NECTIN1: variants seen among roughly 807,000 people sequenced by gnomAD.
NECTIN1 encodes nectin-1.
A neutral mutation model predicts 48.0 loss-of-function variants in NECTIN1; 23 were observed. That is an observed-to-expected ratio of 0.48 (90% CI 0.34 to 0.68). The LOEUF is 0.68. NECTIN1 is among the 30% of genes least tolerant of loss of function. NECTIN1 has a pLI of 0.01. For missense variants in NECTIN1, 591 were observed against 709.9 expected, an observed-to-expected ratio of 0.83 and a Z score of 1.90; for synonymous variants, 270 against 288.9, an observed-to-expected ratio of 0.93 and a Z score of 0.66.
At chr11:119,644,996 T>C (rs564820637) in intron 5 of NECTIN1, among the ~76,000 whole-genome samples, 1 of 152,322 alleles carries the variant, frequency 6.6e-6, no homozygotes, top group East Asian at 1.9e-4. Flanking sequence ...TGATAAGGGC[T>C]GTCCTGGAGT....
rs1003976029 is a variant in NECTIN1, at chr11:119,714,861, G to A, written c.79+13614C>T. ...ACAGCTGTGGTGGCTGGGAATCCTA[G>A]GCTGACATCCCTGGGCGTGGCAGCC... On this transcript the variant is annotated intron_variant, in intron 1 of 5. Coordinates refer to ENST00000264025, the MANE Select transcript of NECTIN1 (RefSeq NM_002855.5). Among the ~76,000 whole-genome samples, 7 of 152,146 alleles carry A rather than the reference G, an allele frequency of 4.6e-5. 1 individual carries two copies. The highest frequency in any genetic ancestry group is 2.6e-4 in the Admixed American group (4 of 15,284).
At chr11:119,638,199 A>T in exon 8 of NECTIN1, 1 of 1,614,102 alleles carries the variant, frequency 6.2e-7, no homozygotes, top group Non-Finnish European at 8.5e-7. Flanking sequence ...AGCTTCTGCA[A>T]GTCCTCCTCT....
At chr11:119,690,697 C>T (rs755635005) in intron 1 of NECTIN1, among the ~76,000 whole-genome samples, 1 of 152,196 alleles carries the variant, frequency 6.6e-6, no homozygotes, top group South Asian at 2.1e-4. Flanking sequence ...CCAAACCCCA[C>T]AGAGGGGAGA....
intron 1 of NECTIN1, among the ~76,000 whole-genome samples, chr11:119,707,531 C>T (rs1005157991): frequency 5.3e-5 from 8 of 152,056 alleles, no homozygotes; most frequent in South Asian, 4.2e-4. Flanking sequence ...ACCTCCCCAC[C>T]GTCTCCCCAC....
At chr11:119,710,388 C>T (rs185641326) in intron 1 of NECTIN1, among the ~76,000 whole-genome samples, 1 of 151,226 alleles carries the variant, frequency 6.6e-6, no homozygotes, top group East Asian at 2.0e-4. Flanking sequence ...GTATTAAGAA[C>T]CTACCAAGTG....
intron 5 of NECTIN1, among the ~76,000 whole-genome samples, chr11:119,649,324 T>C (rs527909988): frequency 6.7e-6 from 1 of 150,366 alleles, no homozygotes; most frequent in African/African-American, 2.5e-5. Flanking sequence ...GAGGTTGCAG[T>C]GAGCCAAGAT....
At chr11:119,704,708 G>C (rs1487886505) in intron 1 of NECTIN1, among the ~76,000 whole-genome samples, 3 of 152,242 alleles carry the variant, frequency 2.0e-5, no homozygotes, top group African/African-American at 4.8e-5. Context: ...TCTCCTCCGT[G>C]GGGTATGAAG....
At chr11:119,655,319 G>T (rs907336247) in intron 5 of NECTIN1, among the ~76,000 whole-genome samples, 10 of 152,052 alleles carry the variant, frequency 6.6e-5, no homozygotes, top group Non-Finnish European at 1.5e-4. Flanking sequence ...CATAGGTATG[G>T]CCTCTCCCAC....
Position 119,674,518 on chromosome 11 carries a change from G to A in NECTIN1, c.1003+641C>T, listed in dbSNP as rs369534183. 7.4e-5 allele frequency: 119 copies of A among 1,613,916 alleles called. No individual in the cohort carries two copies. The African/African-American group carries it at 1.3e-3, about 18-fold the overall frequency. ...CTGTCCCCGTTTTACAGATGGTGGGGGGGGCCCTGTCCAGGGTCACAGCTG... is the reference window on the plus strand; with the variant it reads ...CTGTCCCCGTTTTACAGATGGTGGGAGGGGCCCTGTCCAGGGTCACAGCTG... On this transcript the variant is annotated intron_variant, in intron 5 of 5. Coordinates refer to ENST00000264025, the MANE Select transcript of NECTIN1 (RefSeq NM_002855.5).
intron 5 of NECTIN1, among the ~76,000 whole-genome samples, chr11:119,645,756 C>T (rs994131895): frequency 6.6e-6 from 1 of 152,182 alleles, no homozygotes; most frequent in African/African-American, 2.4e-5. Context: ...TTGTGGGACT[C>T]TCCCCTTCCC....
chr11:119,673,993 G>A lies in NECTIN1; in HGVS notation c.1003+1166C>T, dbSNP rs879368390. Among the ~76,000 whole-genome samples the A allele has an allele frequency of 4.6e-5, 7 of 152,206 alleles. No individual in the cohort carries two copies. The highest frequency in any genetic ancestry group is 1.9e-4 in the East Asian group (1 of 5,188). The stretch of plus-strand genomic sequence containing the variant: ...CCCTGGGTGAGAGACGTGACAGAAC[G>A]GCTCTGAGGACAGGTAGGCGCAGAC... On this transcript the variant is annotated intron_variant, in intron 5 of 5. Transcript: ENST00000264025. This position sits in a 1 kb window ranked among gnomAD's most constrained non-coding sequence, Gnocchi z 5.8.
chr11:119,638,778 C>T (rs773473250), exon 7 of NECTIN1: 3 of 1,613,972 alleles, frequency 1.9e-6, no homozygotes, highest in Non-Finnish European at 2.5e-6. Context: ...GGAGAAGGCT[C>T]CGGCTTCTGG....
At chr11:119,647,574 G>A (rs1387614663) in intron 5 of NECTIN1, among the ~76,000 whole-genome samples, 3 of 151,988 alleles carry the variant, frequency 2.0e-5, no homozygotes, top group Non-Finnish European at 4.4e-5. Flanking sequence ...CCTCCTCTGG[G>A]TGCCCTCTTC....
intron 1 of NECTIN1, chr11:119,713,875 C>A (rs1865702878): frequency 2.2e-6 from 1 of 455,840 alleles, no homozygotes. Flanking sequence ...GCGTTGCTTG[C>A]CAGTGAGATG....
intron 1 of NECTIN1, among the ~76,000 whole-genome samples, chr11:119,708,057 T>C (rs1865576862): frequency 6.6e-6 from 1 of 152,274 alleles, no homozygotes. Context: ...ACGCAGTTTT[T>C]GTTTGTTTCT....
chr11:119,693,722 G>A (rs1484463988), intron 1 of NECTIN1, among the ~76,000 whole-genome samples: 1 of 152,190 alleles, frequency 6.6e-6, no homozygotes, highest in African/African-American at 2.4e-5. Context: ...CACCTCTAAT[G>A]TTGGACGGTG....
Position 119,661,469 on chromosome 11 carries a change from A to G in NECTIN1, c.*3278T>C. On this transcript the variant is annotated 3_prime_UTR_variant, in exon 6 of 6. Transcript: ENST00000264025. ...GCACACCCACCTGCCCCTCACTAGG[A>G]GAGGGTTTCTGTTGGCAGTCAGGCT... is the stretch of plus-strand genomic sequence containing the variant. The G allele has an allele frequency of 3.0e-6, 3 of 985,854 alleles. No individual in the cohort carries two copies. Among genetic ancestry groups the G allele is most frequent in the Non-Finnish European group, 3.6e-6 (3 of 829,998 alleles). The allele number at this position is 985,854 out of a possible 1,614,324, so 61.1% of individuals were successfully genotyped here.
chr11:119,679,055 A>T (rs1016007480), intron 1 of NECTIN1, among the ~76,000 whole-genome samples: 8 of 152,222 alleles, frequency 5.3e-5, no homozygotes, highest in African/African-American at 1.7e-4. Flanking sequence ...TTAAAAAGTC[A>T]GAATCATGCT....
intron 5 of NECTIN1, among the ~76,000 whole-genome samples, chr11:119,644,107 G>A (rs1049367252): frequency 4.6e-5 from 7 of 152,344 alleles, no homozygotes; most frequent in Non-Finnish European, 8.8e-5. Flanking sequence ...CACGCCGCAA[G>A]GATGGCCTCT....
Sources: allele counts gnomAD v4.1 joint callset (sites outside exome capture counted in the v4.1 genomes callset), GRCh38; gene constraint gnomAD v4.1.1; non-coding constraint Gnocchi (gnomAD v3.1); transcripts MANE v1.5; gene names NCBI Gene and HGNC (gene_info 2026-07-23, HGNC 2026-07-21).